The following GRID1 variants were observed in gnomAD, a reference collection of about 807,000 sequenced individuals.
GRID1 encodes the protein glutamate receptor ionotropic, delta-1.
In GRID1, 28 loss-of-function variants were observed where a neutral mutation model predicts 98.0. The observed-to-expected ratio is 0.29, with a 90% CI of 0.21 to 0.39. GRID1 has a LOEUF of 0.39. Ranked by LOEUF, GRID1 falls within the 10% of genes least tolerant of loss-of-function variation. The probability of loss-of-function intolerance (pLI) is 1.00; values close to 1 mark genes in which losing one functional copy is unlikely to be tolerated. For synonymous variants in GRID1, 553 were observed against 538.5 expected (o/e 1.03, Z -0.37); for missense variants, 1,111 against 1,340.5 (o/e 0.83, Z 2.67).
chr10:86,007,316 T>C (rs1384135794), intron 4 of GRID1, among the ~76,000 whole-genome samples: 1 of 152,216 alleles, frequency 6.6e-6, no homozygotes, highest in Non-Finnish European at 1.5e-5. Flanking sequence ...CCACTGACAC[T>C]GACCGCTGGA....
At chr10:86,339,883 C>T (rs1433830391) in intron 2 of GRID1, among the ~76,000 whole-genome samples, 6 of 152,232 alleles carry the variant, frequency 3.9e-5, no homozygotes, top group South Asian at 2.1e-4. Flanking sequence ...TAGAGGTGAA[C>T]GAGCAACAAC....
intron 13 of GRID1, among the ~76,000 whole-genome samples, chr10:85,634,249 CCTCTCTCTCTCTCTCTCTCT>C (rs775506130): frequency 1.1e-5 from 1 of 92,314 alleles, no homozygotes; most frequent in Non-Finnish European, 2.1e-5. Context: ...TGATGGGGCA[CCTCTCTCTCTCTCTCTCTCT>C]CTCTCTCTCT....
intron 8 of GRID1, among the ~76,000 whole-genome samples, chr10:85,837,101 A>G (rs1187737964): frequency 2.0e-5 from 3 of 151,638 alleles, no homozygotes; most frequent in African/African-American, 7.3e-5. Flanking sequence ...CCCACCACCG[A>G]CTGTCACTGC....
intron 8 of GRID1, among the ~76,000 whole-genome samples, chr10:85,765,351 A>G (rs556055108): frequency 3.9e-5 from 6 of 152,334 alleles, no homozygotes; most frequent in African/African-American, 9.6e-5. Context: ...GCTGATTATC[A>G]GGGAAGGTCC....
chr10:86,246,736 A>T (rs1846733945), intron 2 of GRID1, among the ~76,000 whole-genome samples: 1 of 152,046 alleles, frequency 6.6e-6, no homozygotes, highest in East Asian at 1.9e-4. Flanking sequence ...GGAATGGCAC[A>T]GCCTGAAAGC....
At chr10:85,691,318 A>C (rs1173438606) in intron 12 of GRID1, among the ~76,000 whole-genome samples, 1 of 152,168 alleles carries the variant, frequency 6.6e-6, no homozygotes, top group Non-Finnish European at 1.5e-5. Flanking sequence ...ATTTTTCACC[A>C]ATTGAAGTTC....
intron 2 of GRID1, among the ~76,000 whole-genome samples, chr10:86,239,894 G>T (rs148655448): frequency 1.3e-5 from 2 of 152,264 alleles, no homozygotes; most frequent in East Asian, 3.9e-4. Context: ...GGTCCTTATA[G>T]AAGTGATTAA....
At chr10:86,105,088 C>T (rs903223502) in intron 4 of GRID1, among the ~76,000 whole-genome samples, 4 of 152,186 alleles carry the variant, frequency 2.6e-5, no homozygotes, top group Admixed American at 1.3e-4. Flanking sequence ...AAGTGATTTA[C>T]GGTGGCTCTG....
intron 3 of GRID1, among the ~76,000 whole-genome samples, chr10:86,168,418 C>T (rs1407894528): frequency 6.6e-6 from 1 of 152,112 alleles, no homozygotes; most frequent in African/African-American, 2.4e-5. Flanking sequence ...AGATGGGAGG[C>T]CCTGCCCAAG....
chr10:86,021,202 T>A (rs962077766), intron 4 of GRID1, among the ~76,000 whole-genome samples: 2 of 152,152 alleles, frequency 1.3e-5, no homozygotes, highest in African/African-American at 4.8e-5. Context: ...GCCAAGCAAA[T>A]TTTTAAAAGG....
chr10:85,853,712 C>G (rs1029715870), intron 8 of GRID1, among the ~76,000 whole-genome samples: 1 of 152,216 alleles, frequency 6.6e-6, no homozygotes, highest in African/African-American at 2.4e-5. Flanking sequence ...GTGACCACAT[C>G]CAAGGTCCTT....
chr10:85,636,042 C>T (rs7902536), intron 13 of GRID1, among the ~76,000 whole-genome samples: 2,316 of 152,308 alleles, frequency 0.015, 64 homozygotes, highest in African/African-American at 0.053. Context: ...TGTGCTGAAG[C>T]ACAATAGACT....
intron 4 of GRID1, among the ~76,000 whole-genome samples, chr10:86,040,794 G>A (rs566107614): frequency 2.6e-5 from 4 of 152,166 alleles, no homozygotes; most frequent in Non-Finnish European, 5.9e-5. Context: ...TGATGGATAT[G>A]CTAATTACCC....
intron 4 of GRID1, among the ~76,000 whole-genome samples, chr10:85,935,086 C>T (rs557423395): frequency 3.3e-5 from 5 of 152,300 alleles, no homozygotes; most frequent in African/African-American, 1.2e-4. Context: ...CGGGTCCCGG[C>T]TAACAGCTCT....
chr10:85,956,913 A>G (rs1221375508), intron 4 of GRID1, among the ~76,000 whole-genome samples: 1 of 152,228 alleles, frequency 6.6e-6, no homozygotes, highest in Non-Finnish European at 1.5e-5. Flanking sequence ...AGGGTAATTT[A>G]TAAAGGAAAG....
At chr10:86,329,483 GGCTTTGGCAAGGAGCCCCCT>G (rs1848106267) in intron 2 of GRID1, among the ~76,000 whole-genome samples, 1 of 152,224 alleles carries the variant, frequency 6.6e-6, no homozygotes, top group Admixed American at 6.5e-5. Flanking sequence ...GCCTGAGAAG[GGCTTTGGCAAGGAGCCCCCT>G]GCCTACTGGT....
chr10:86,147,803 C>A (rs1334579019), intron 3 of GRID1, among the ~76,000 whole-genome samples: 2 of 152,198 alleles, frequency 1.3e-5, no homozygotes, highest in Non-Finnish European at 2.9e-5. Flanking sequence ...GAGCCCAGAA[C>A]CCCGACCACA....
At chr10:85,766,439 T>C (rs529151100) in intron 8 of GRID1, among the ~76,000 whole-genome samples, 2 of 152,242 alleles carry the variant, frequency 1.3e-5, no homozygotes, top group South Asian at 4.1e-4. Flanking sequence ...TGAGCTGTGC[T>C]CACCCCACTG....
chr10:86,217,430 T>C (rs1268154730), intron 2 of GRID1, among the ~76,000 whole-genome samples: 7 of 152,248 alleles, frequency 4.6e-5, no homozygotes, highest in African/African-American at 1.7e-4. Context: ...AGGATCAACT[T>C]CTGTTGTTAT....
Sources: allele counts gnomAD v4.1 joint callset (sites outside exome capture counted in the v4.1 genomes callset), GRCh38; gene constraint gnomAD v4.1.1; transcripts MANE v1.5; gene names NCBI Gene and HGNC (gene_info 2026-07-23, HGNC 2026-07-21).